SPTBN2: variants seen among roughly 807,000 people sequenced by gnomAD.
SPTBN2 encodes the protein spectrin beta chain, non-erythrocytic 2.
A neutral mutation model predicts 284.2 loss-of-function variants in SPTBN2; 107 were observed. The ratio of observed to expected loss-of-function variants is 0.38; its 90% CI spans 0.32 to 0.44. The LOEUF (loss-of-function observed/expected upper bound fraction) is 0.44, where lower values mean the gene tolerates loss of function less well. Ranked by LOEUF, SPTBN2 falls within the 20% of genes least tolerant of loss-of-function variation. SPTBN2 has a pLI of 1.00. For synonymous variants in SPTBN2, 1,289 were observed against 1,354.8 expected (o/e 0.95, Z 1.07); for missense variants, 2,569 against 3,287.1 (o/e 0.78, Z 5.34).
At chr11:66,688,941 G>C in intron 30 of SPTBN2, 92 bp from the exon 31 acceptor site, 1 of 1,536,382 alleles carries the variant, frequency 6.5e-7, no homozygotes, top group Non-Finnish European at 8.9e-7. Flanking sequence ...CAGGGACACA[G>C]AGAAAGCCAC....
chr11:66,701,478 C>T (rs1265993738), intron 16 of SPTBN2, 106 bp downstream of exon 16: 1 of 1,587,768 alleles, frequency 6.3e-7, no homozygotes, highest in Non-Finnish European at 8.6e-7. Flanking sequence ...TGGTTTGCTT[C>T]CTCCTTTGTA....
rs1253347133 is a variant in SPTBN2, at chr11:66,718,488, C to A, written c.158-2507G>T. Among the ~76,000 whole-genome samples the A allele has an allele frequency of 6.6e-6, 1 of 152,202 alleles. No individual in the cohort carries two copies. Among genetic ancestry groups the A allele is most frequent in the Non-Finnish European group, 1.5e-5 (1 of 68,022 alleles). Reference sequence around the variant, plus strand: ...CCTTCCAGCACGCTGGCATACTGAGCAGGGTTGATGAAAGCAGCTGGTGAA... The same window carrying A: ...CCTTCCAGCACGCTGGCATACTGAGAAGGGTTGATGAAAGCAGCTGGTGAA... On this transcript the variant is annotated intron_variant, in intron 3 of 37. Transcript: ENST00000533211. This position sits in a 1 kb window ranked among gnomAD's most constrained non-coding sequence, Gnocchi z 4.8.
At position 66,721,350 on chromosome 11, in the gene SPTBN2, C is replaced by A; in HGVS notation, c.-23G>T. The A allele has an allele frequency of 2.8e-6, 4 of 1,413,620 alleles. No individual in the cohort carries two copies. Among genetic ancestry groups the A allele is most frequent in the Non-Finnish European group, 4.0e-6 (4 of 1,005,452 alleles). 87.6% of individuals were successfully genotyped at this position (1,413,620 alleles called of 1,614,324 possible). ...GGGGCCTTCTGTCTTCTTGCCCTAC[C>A]TGTGCTCCGCTCTCCTTGTGGCCAG... On this transcript the variant is annotated splice_region_variant and 5_prime_UTR_variant, in exon 2 of 38. In the 5' UTR this introduces an upstream ATG that the reference lacks. Coordinates refer to ENST00000533211, the MANE Select transcript of SPTBN2 (RefSeq NM_006946.4).
chr11:66,699,331 C>A, intron 18 of SPTBN2, 75 bp downstream of exon 18: 1 of 1,569,822 alleles, frequency 6.4e-7, no homozygotes, highest in South Asian at 1.1e-5. Context: ...TCCTGTGCCA[C>A]GTTTATCTTT....
chr11:66,709,303 G>A (rs1046508853), intron 10 of SPTBN2, among the ~76,000 whole-genome samples: 1 of 151,908 alleles, frequency 6.6e-6, no homozygotes, highest in African/African-American at 2.4e-5. Flanking sequence ...TCAGCCTCCC[G>A]AGTAGCTGGG....
intron 13 of SPTBN2, among the ~76,000 whole-genome samples, chr11:66,706,821 G>A (rs1010996889): frequency 2.0e-5 from 3 of 151,892 alleles, no homozygotes; most frequent in South Asian, 4.2e-4. Context: ...TTATAGACAC[G>A]GGGTTTCACC....
chr11:66,707,608 C>T lies in SPTBN2; in HGVS notation c.1561G>A (p.Ala521Thr), dbSNP rs746712991. The change falls in exon 13 of 38, where the codon GCC (alanine) becomes ACC (threonine). Residue 521 changes from alanine (A) to threonine (T), a missense_variant. This residue lies in a region of SPTBN2 where 1,012 missense variants were observed against 1,248.9 expected (regional missense o/e 0.81). Transcript: ENST00000533211. This position sits in a 1 kb window ranked among gnomAD's most constrained non-coding sequence, Gnocchi z 4.9. ...AGGAGGAGCCGCTCCCGCCGGGCGG[C>T]CACCATCTGCCGCAAGAAGTCCCAG... ...RLWDFLRQMV[A>T]ARRERLLLNL... 1 of 1,611,210 alleles carries T rather than the reference C, an allele frequency of 6.2e-7. No individual in the cohort carries two copies. Among genetic ancestry groups the T allele is most frequent in the South Asian group, 1.1e-5 (1 of 91,074 alleles).
chr11:66,715,173 G>A lies in SPTBN2; in HGVS notation c.483+49C>T, dbSNP rs765475182. On this transcript the variant is annotated intron_variant, in intron 5 of 37. Coordinates refer to ENST00000533211, the MANE Select transcript of SPTBN2 (RefSeq NM_006946.4). The surrounding 1 kb of genome is among the most constrained non-coding windows in gnomAD (Gnocchi z 5.3). ...TGGGCCAGCAGGAACGGCTTGCGGT[G>A]CAGAGCCAGGGCAGGAACCACACCC... The A allele has an allele frequency of 3.1e-6, 5 of 1,607,132 alleles. No homozygotes were observed. The highest frequency in any genetic ancestry group is 2.7e-5 in the African/African-American group (2 of 74,932).
In SPTBN2 at chr11:66,710,585, G is replaced by T; in HGVS notation, c.1070C>A (p.Pro357His). 1.2e-6 allele frequency: 2 copies of T among 1,613,484 alleles called. No individual in the cohort carries two copies. The highest frequency in any genetic ancestry group is 1.7e-6 in the Non-Finnish European group (2 of 1,179,822). The change falls in exon 10 of 38, where the codon CCC (proline) becomes CAC (histidine). Residue 357 changes from proline to histidine, a missense_variant. Coordinates refer to ENST00000533211, the MANE Select transcript of SPTBN2 (RefSeq NM_006946.4). The surrounding 1 kb of genome is among the most constrained non-coding windows in gnomAD (Gnocchi z 4.9). ...FNSYRTVEKPPKFTEKGNLEV... is the reference protein window; with the variant it reads ...FNSYRTVEKPHKFTEKGNLEV... ...GTGGGGCCCCAGGGACACCTACTTG[G>T]GCGGCTTCTCCACGGTGCGGTAGGA...
intron 37 of SPTBN2, 41 bp from the exon 38 acceptor site, chr11:66,686,145 T>C: frequency 1.9e-6 from 3 of 1,588,146 alleles, no homozygotes; most frequent in Non-Finnish European, 1.7e-6. Flanking sequence ...AAGGACACTG[T>C]GCTGAGTTGG....
chr11:66,729,448 G>A (rs1942759686), upstream of SPTBN2, among the ~76,000 whole-genome samples: 1 of 152,090 alleles, frequency 6.6e-6, no homozygotes, highest in South Asian at 2.1e-4. Context: ...TGCCTGAAAT[G>A]GTCAAGTAAG....
intron 27 of SPTBN2, 45 bp from the exon 28 acceptor site, chr11:66,690,328 G>T: frequency 6.5e-7 from 1 of 1,532,038 alleles, no homozygotes; most frequent in Non-Finnish European, 8.7e-7. Flanking sequence ...GGGACTCCAA[G>T]GAGCCGCAGC....
At position 66,718,671 on chromosome 11, in the gene SPTBN2, CTGG is replaced by C. The variant is rs1942252818; in HGVS notation, c.157+2410_157+2412del. 6.6e-6 allele frequency among the ~76,000 whole-genome samples: 1 copy of C among 152,248 alleles called. No individual in the cohort carries two copies. The highest frequency in any genetic ancestry group is 2.4e-5 in the African/African-American group (1 of 41,464). On this transcript the variant is annotated intron_variant, in intron 3 of 37. Transcript: ENST00000533211. The surrounding 1 kb of genome is among the most constrained non-coding windows in gnomAD (Gnocchi z 4.8). ...CAGGGCCCAGAGTCCATGCTCCCCG[CTGG>C]CAGGGGGCCAGTTTCTGTTCCCCAG...
chr11:66,729,045 A>G lies in SPTBN2; in HGVS notation c.-418T>C, dbSNP rs1590994773. On this transcript the variant is annotated 5_prime_UTR_variant, in exon 1 of 38. Coordinates refer to ENST00000533211, the MANE Select transcript of SPTBN2 (RefSeq NM_006946.4). ...GCTTCTCAGCTCCTCTCATTTATCA[A>G]CCAGGAGAATTCCGGCCTAGTCACC... 1 of 135,604 alleles carries G rather than the reference A, an allele frequency of 7.4e-6. No homozygotes were observed. The highest frequency in any genetic ancestry group is 2.8e-5 in the African/African-American group (1 of 36,100). 8.4% of individuals were successfully genotyped at this position (135,604 alleles called of 1,614,324 possible). A position where few individuals can be genotyped will look rare whatever the true frequency, so the allele number is the denominator to read the frequency against.
rs557474986 is a variant in SPTBN2 at position 66,740,725 on chromosome 11, C to T, written c.-475+3817G>A. The stretch of plus-strand genomic sequence containing the variant: ...TTCCTACTGTCTGGATGGGAAACAG[C>T]TTAATAGTTGCTTGGTTCTTTCCCA... On this transcript the variant is annotated intron_variant, in intron 1 of 37. Transcript: ENST00000611817. 6.6e-5 allele frequency among the ~76,000 whole-genome samples: 10 copies of T among 152,286 alleles called. No individual in the cohort carries two copies. The East Asian group carries it at 1.9e-3, about 29-fold the overall frequency.
At position 66,705,729 on chromosome 11, in the gene SPTBN2, G is replaced by T. The variant is rs761422530; in HGVS notation, c.1762C>A (p.Arg588=). The change falls in exon 14 of 38, where the codon CGG becomes AGG. Residue 588 remains arginine, a synonymous_variant. Coordinates refer to ENST00000533211, the MANE Select transcript of SPTBN2 (RefSeq NM_006946.4). ...CGCAGGGCAGAGGCGCTGACGGCCC[G>T]CACCCTCTCGGCCTGCACGGCGATG... ...ADIAVQAERV[R]AVSASALRFC... The T allele has an allele frequency of 1.9e-6, 3 of 1,612,316 alleles. No individual in the cohort carries two copies. Among genetic ancestry groups the T allele is most frequent in the Middle Eastern group, 1.7e-4 (1 of 6,060 alleles).
intron 1 of SPTBN2, among the ~76,000 whole-genome samples, chr11:66,742,227 A>T (rs1229763412): frequency 6.6e-6 from 1 of 151,912 alleles, no homozygotes; most frequent in Non-Finnish European, 1.5e-5. Context: ...AAGATGAATA[A>T]GAAAAAGTGA....
chr11:66,689,778 T>C (rs770807172), intron 29 of SPTBN2, 27 bp downstream of exon 29: 13 of 1,611,600 alleles, frequency 8.1e-6, no homozygotes, highest in Admixed American at 1.7e-5. Context: ...ACAGTGAGAA[T>C]GGCCCGGCCA....
intron 1 of SPTBN2, among the ~76,000 whole-genome samples, chr11:66,721,763 T>C (rs1942416162): frequency 6.6e-6 from 1 of 152,072 alleles, no homozygotes; most frequent in Non-Finnish European, 1.5e-5. Context: ...AGACCCAGAT[T>C]TGTTGGGCGC....
Sources: gnomAD v4.1 joint callset for allele counts (sites outside exome capture counted in the v4.1 genomes callset) on GRCh38, gnomAD v4.1.1 for gene constraint, gnomAD v4.1.1 regional missense constraint, Gnocchi (gnomAD v3.1) non-coding constraint, MANE v1.5 for transcripts, NCBI Gene and HGNC (gene_info 2026-07-23, HGNC 2026-07-21) for gene names.